ADARB2: variants seen among roughly 807,000 people sequenced by gnomAD.
ADARB2 encodes inactive double-stranded RNA-specific editase B2.
ADARB2 carries 25 observed loss-of-function variants against 62.2 expected under a neutral mutation model. That is an observed-to-expected ratio of 0.40 (90% CI 0.29 to 0.56). ADARB2 has a LOEUF of 0.56. Ranked by LOEUF, ADARB2 falls within the 20% of genes least tolerant of loss-of-function variation. The probability of loss-of-function intolerance (pLI) is 0.43; values close to 1 mark genes in which losing one functional copy is unlikely to be tolerated. For synonymous variants in ADARB2, 572 were observed against 500.8 expected, an observed-to-expected ratio of 1.14 and a Z score of -1.90; for missense variants, 1,071 against 1,077.4, an observed-to-expected ratio of 0.99 and a Z score of 0.08.
At chr10:1,582,727 A>G (rs1833122822) in intron 1 of ADARB2, among the ~76,000 whole-genome samples, 1 of 152,110 alleles carries the variant, frequency 6.6e-6, no homozygotes, top group Non-Finnish European at 1.5e-5. Flanking sequence ...CAGGCTGCTC[A>G]AGCTCCTCTC....
intron 7 of ADARB2, among the ~76,000 whole-genome samples, chr10:1,203,273 C>T (rs1275784533): frequency 6.6e-6 from 1 of 152,170 alleles, no homozygotes; most frequent in African/African-American, 2.4e-5. Flanking sequence ...CATTCTTTAG[C>T]CAGGAGATGC....
intron 3 of ADARB2, among the ~76,000 whole-genome samples, chr10:1,339,674 G>A (rs1472862920): frequency 2.0e-5 from 3 of 152,182 alleles, no homozygotes; most frequent in Non-Finnish European, 4.4e-5. Context: ...ATGAAAAGCT[G>A]AGCAGCAGCG....
intron 3 of ADARB2, chr10:1,290,435 A>C (rs1489871473): frequency 6.6e-6 from 1 of 152,254 alleles, no homozygotes; most frequent in Non-Finnish European, 1.5e-5. Context: ...CCACACCCCC[A>C]CTGCACGGAT....
At chr10:1,278,494 C>T (rs560075483) in intron 3 of ADARB2, among the ~76,000 whole-genome samples, 2 of 149,180 alleles carry the variant, frequency 1.3e-5, no homozygotes, top group African/African-American at 4.9e-5. Context: ...TTATGTTTAT[C>T]TTCCACTCAT....
At chr10:1,717,036 A>ATTATTCTGATCACAAG (rs1442919409) in intron 1 of ADARB2, among the ~76,000 whole-genome samples, 1 of 118,408 alleles carries the variant, frequency 8.4e-6, no homozygotes, top group Non-Finnish European at 2.0e-5. Flanking sequence ...TTCTGATCAC[A>ATTATTCTGATCACAAG]TTATTCTGAT....
At position 1,704,969 on chromosome 10, in the gene ADARB2, T is replaced by G. The variant is rs372697645; in HGVS notation, c.100+32082A>C. 3.3e-5 allele frequency among the ~76,000 whole-genome samples: 5 copies of G among 152,206 alleles called. No homozygotes were observed. The highest frequency in any genetic ancestry group is 6.5e-5 in the Admixed American group (1 of 15,286). On this transcript the variant is annotated intron_variant, in intron 1 of 9. Coordinates refer to ENST00000381312, the MANE Select transcript of ADARB2 (RefSeq NM_018702.4). The surrounding 1 kb of genome is among the most constrained non-coding windows in gnomAD (Gnocchi z 5.6). The stretch of plus-strand genomic sequence containing the variant: ...ATGAGTCTCAGAGGCAATAACCCCA[T>G]GAGCACAGACCCACAGGCAAAGCCC...
chr10:1,498,367 C>T (rs947508586), intron 1 of ADARB2, among the ~76,000 whole-genome samples: 1 of 140,938 alleles, frequency 7.1e-6, no homozygotes, highest in Non-Finnish European at 1.5e-5. Context: ...AAGAGTGAAA[C>T]TCTGTCTCAA....
intron 1 of ADARB2, among the ~76,000 whole-genome samples, chr10:1,702,004 A>T (rs1164690305): frequency 6.6e-6 from 1 of 152,234 alleles, no homozygotes; most frequent in Non-Finnish European, 1.5e-5. Context: ...GTGAAATTTA[A>T]AGAAAGACAA....
intron 1 of ADARB2, among the ~76,000 whole-genome samples, chr10:1,469,756 T>G (rs2813412): frequency 0.98 from 149,094 of 152,318 alleles, 73,055 homozygotes; most frequent in East Asian, 1. Flanking sequence ...ATGAGAGGAA[T>G]CTGTAAAGTG....
intron 5 of ADARB2, 113 bp from the exon 6 acceptor site, chr10:1,233,958 TATTTTTCC>T: frequency 9.3e-7 from 1 of 1,079,850 alleles, no homozygotes; most frequent in South Asian, 2.0e-5. Flanking sequence ...TTTTCCTTTA[TATTTTTCC>T]TTTTTTTTTT....
At chr10:1,207,683 G>A (rs1035884017) in intron 7 of ADARB2, among the ~76,000 whole-genome samples, 4 of 152,230 alleles carry the variant, frequency 2.6e-5, no homozygotes, top group Non-Finnish European at 5.9e-5. Flanking sequence ...CCAGAGAGCA[G>A]CTGTAATTTC....
chr10:1,242,918 A>G (rs1830941510), intron 4 of ADARB2, among the ~76,000 whole-genome samples: 1 of 152,044 alleles, frequency 6.6e-6, no homozygotes, highest in African/African-American at 2.4e-5. Flanking sequence ...CTCAAAAACA[A>G]CCCCCAACGT....
At chr10:1,213,649 CA>C (rs1837191398) in intron 7 of ADARB2, among the ~76,000 whole-genome samples, 1 of 152,224 alleles carries the variant, frequency 6.6e-6, no homozygotes, top group Admixed American at 6.5e-5. Flanking sequence ...TCTAGCTGCC[CA>C]GAGCCACGGG....
In ADARB2 at chr10:1,531,078, A is replaced by G. The variant is rs146926100; in HGVS notation, c.101-151918T>C. The stretch of plus-strand genomic sequence containing the variant: ...GAGGCTTTTGGACAAGCCCTGCGCC[A>G]TGATAGCTGGCGATCCACAGCCTAC... On this transcript the variant is annotated intron_variant, in intron 1 of 9. Coordinates refer to ENST00000381312, the MANE Select transcript of ADARB2 (RefSeq NM_018702.4). Among the ~76,000 whole-genome samples, 60 of 152,338 alleles carry G rather than the reference A, an allele frequency of 3.9e-4. No homozygotes were observed. The South Asian group carries it at 6.4e-3, about 16-fold the overall frequency.
At chr10:1,440,624 G>A (rs188546272) in intron 1 of ADARB2, among the ~76,000 whole-genome samples, 168 of 152,238 alleles carry the variant, frequency 1.1e-3, no homozygotes, top group African/African-American at 3.3e-3. Context: ...TGTCCTGGGG[G>A]CAGGTCTGTA....
intron 1 of ADARB2, among the ~76,000 whole-genome samples, chr10:1,637,971 G>A (rs372266717): frequency 1.3e-5 from 2 of 152,366 alleles, no homozygotes; most frequent in East Asian, 1.9e-4. Context: ...AACAGTTGGA[G>A]CTGCTTCCAC....
intron 3 of ADARB2, among the ~76,000 whole-genome samples, chr10:1,358,352 T>G (rs2131847671): frequency 6.6e-6 from 1 of 152,326 alleles, no homozygotes; most frequent in South Asian, 2.1e-4. Context: ...TGAGGATTGC[T>G]TGGTGAGAAT....
chr10:1,417,919 G>A (rs1270856533), intron 1 of ADARB2, among the ~76,000 whole-genome samples: 1 of 152,246 alleles, frequency 6.6e-6, no homozygotes, highest in African/African-American at 2.4e-5. Flanking sequence ...AGGGTGCATG[G>A]GGAAAATGGC....
intron 1 of ADARB2, among the ~76,000 whole-genome samples, chr10:1,725,329 T>C (rs1588367950): frequency 6.6e-6 from 1 of 152,314 alleles, no homozygotes; most frequent in East Asian, 1.9e-4. Context: ...GTTCTATTTA[T>C]TTCTTCTCCA....
Sources: allele counts gnomAD v4.1 joint callset (sites outside exome capture counted in the v4.1 genomes callset), GRCh38; gene constraint gnomAD v4.1.1; non-coding constraint Gnocchi (gnomAD v3.1); transcripts MANE v1.5; gene names NCBI Gene and HGNC (gene_info 2026-07-23, HGNC 2026-07-21).